BAIAP2: variants seen among roughly 807,000 people sequenced by gnomAD.
The protein encoded by BAIAP2 is BAR/IMD domain containing adaptor protein 2, also known as BAR/IMD domain-containing adapter protein 2.
Under a neutral mutation model 63.0 loss-of-function variants are expected in BAIAP2, and 18 were observed. That is an observed-to-expected ratio of 0.29 (90% confidence interval 0.20 to 0.42). BAIAP2 has a LOEUF of 0.42. Among genes scored for constraint, BAIAP2 ranks in the 10% least tolerant of loss-of-function variants. BAIAP2 has a pLI of 1.00. For missense variants in BAIAP2, 610 were observed against 734.3 expected, an observed-to-expected ratio of 0.83 and a Z score of 1.96; for synonymous variants, 386 against 307.6, an observed-to-expected ratio of 1.25 and a Z score of -2.67.
At chr17:81,115,559 C>G (rs2060456194) in intron 13 of BAIAP2, among the ~76,000 whole-genome samples, 1 of 152,204 alleles carries the variant, frequency 6.6e-6, no homozygotes, top group South Asian at 2.1e-4. Context: ...GTCTAGGGCA[C>G]ATAGTGGACT....
chr17:81,078,281 G>C (rs1167260714), intron 3 of BAIAP2, among the ~76,000 whole-genome samples: 1 of 131,932 alleles, frequency 7.6e-6, no homozygotes, highest in African/African-American at 2.8e-5. Flanking sequence ...GTGGGTGCAG[G>C]TTCCACCTCG....
chr17:81,101,131 C>T (rs2058432476), intron 7 of BAIAP2, among the ~76,000 whole-genome samples: 1 of 152,114 alleles, frequency 6.6e-6, no homozygotes, highest in South Asian at 2.1e-4. Context: ...GCTAGGCGTC[C>T]CCCAGCACAG....
chr17:81,037,025 C>T (rs1001281938), intron 1 of BAIAP2: 1 of 1,382,204 alleles, frequency 7.2e-7, no homozygotes, highest in African/African-American at 1.4e-5. Context: ...ATAAAACTCT[C>T]CTAACCGGGC....
At chr17:81,108,098 G>GT in intron 12 of BAIAP2, 1 of 315,666 alleles carries the variant, frequency 3.2e-6, no homozygotes, top group Non-Finnish European at 5.9e-6. Flanking sequence ...AGGCGGAGGA[G>GT]TCCCAGGGGC....
chr17:81,107,132 G>T (rs1007880858), intron 12 of BAIAP2: 21 of 561,528 alleles, frequency 3.7e-5, no homozygotes, highest in African/African-American at 3.4e-4. Context: ...GCATGCTGGG[G>T]CTGGGGTCAG....
intron 3 of BAIAP2, among the ~76,000 whole-genome samples, chr17:81,065,892 G>A (rs1401244618): frequency 6.6e-6 from 1 of 152,248 alleles, no homozygotes; most frequent in Non-Finnish European, 1.5e-5. Context: ...TCACCCTGTA[G>A]AGAGTTGTCG....
chr17:81,063,669 G>A (rs2050973276), intron 3 of BAIAP2: 1 of 152,414 alleles, frequency 6.6e-6, no homozygotes, highest in South Asian at 2.1e-4. Flanking sequence ...GTGTGGGTGT[G>A]CCTTCCTGAG....
Position 81,075,430 on chromosome 17 carries a change from G to A in BAIAP2, c.218-9402G>A, listed in dbSNP as rs182697928. 1.5e-3 allele frequency among the ~76,000 whole-genome samples: 235 copies of A among 152,332 alleles called. 6 individuals are homozygous for A. In the South Asian group the frequency reaches 0.034, roughly 22 times the overall value. On this transcript the variant is annotated intron_variant, in intron 3 of 13. Coordinates refer to ENST00000428708, the MANE Select transcript of BAIAP2 (RefSeq NM_001144888.2). ...CGTGTGAAGCGATCGGAAGGAGCTC[G>A]GCCGTCGCCTCAAGTGGGCCGCCTT...
intron 3 of BAIAP2, among the ~76,000 whole-genome samples, chr17:81,061,540 T>G (rs2050557260): frequency 6.6e-6 from 1 of 152,228 alleles, no homozygotes; most frequent in Non-Finnish European, 1.5e-5. Context: ...CTTCTTTTTT[T>G]GTCCAGCTTC....
intron 3 of BAIAP2, among the ~76,000 whole-genome samples, chr17:81,082,598 C>T (rs1345855674): frequency 6.6e-6 from 1 of 152,234 alleles, no homozygotes; most frequent in Non-Finnish European, 1.5e-5. Flanking sequence ...ACACGTGTCA[C>T]AGGAGCCAGG....
intron 6 of BAIAP2, among the ~76,000 whole-genome samples, chr17:81,093,508 A>G (rs1053309909): frequency 6.6e-6 from 1 of 151,598 alleles, no homozygotes; most frequent in African/African-American, 2.4e-5. Context: ...GCCGGTCGTG[A>G]GTGAGGAGGG....
intron 12 of BAIAP2, chr17:81,107,206 G>A (rs917940109): frequency 2.5e-5 from 9 of 356,578 alleles, no homozygotes; most frequent in African/African-American, 1.3e-4. Flanking sequence ...AGGGGGCAGC[G>A]TCTGGGCTGG....
At chr17:81,062,595 C>T (rs892850002) in intron 3 of BAIAP2, among the ~76,000 whole-genome samples, 3 of 152,124 alleles carry the variant, frequency 2.0e-5, no homozygotes, top group African/African-American at 4.8e-5. Context: ...TCAGCTTCTC[C>T]TCCTCCCGGG....
intron 7 of BAIAP2, 114 bp from the exon 8 acceptor site, chr17:81,103,388 G>C: frequency 9.8e-7 from 1 of 1,021,098 alleles, no homozygotes; most frequent in Non-Finnish European, 1.4e-6. Flanking sequence ...GTACCACCTG[G>C]TGAAGAGCAG....
intron 1 of BAIAP2, among the ~76,000 whole-genome samples, chr17:81,052,990 G>A (rs549521773): frequency 2.6e-5 from 4 of 152,128 alleles, no homozygotes; most frequent in Non-Finnish European, 5.9e-5. Context: ...ATGTTATGCC[G>A]GTAGAATTCT....
intron 9 of BAIAP2, 56 bp from the exon 10 acceptor site, chr17:81,104,458 G>A: frequency 3.9e-6 from 6 of 1,525,442 alleles, no homozygotes; most frequent in Non-Finnish European, 5.3e-6. Flanking sequence ...GACTCCCTGG[G>A]CTTTGCTGCC....
In BAIAP2 at chr17:81,085,870, A is replaced by G. The variant is rs999249914; in HGVS notation, c.351+145A>G. 11 of 661,358 alleles carry G rather than the reference A, an allele frequency of 1.7e-5. No individual in the cohort carries two copies. The Admixed American group carries it at 1.9e-4, about 11-fold the overall frequency. 41.0% of individuals were successfully genotyped at this position (661,358 alleles called of 1,614,324 possible). A position where few individuals can be genotyped will look rare whatever the true frequency, so the allele number is the denominator to read the frequency against. ...GGCCCCAGCTCTGACTTTATTGTCC[A>G]TTTGGGACCGAGTGCCCCTGGTGTG... is the stretch of plus-strand genomic sequence containing the variant. On this transcript the variant is annotated intron_variant, in intron 5 of 13. Transcript: ENST00000428708.
In BAIAP2 at chr17:81,115,941, C is replaced by T. The variant is rs1436262316; in HGVS notation, c.*102C>T. The T allele has an allele frequency of 2.6e-6, 4 of 1,548,246 alleles. No individual in the cohort carries two copies. The highest frequency in any genetic ancestry group is 3.5e-6 in the Non-Finnish European group (4 of 1,147,372). The stretch of plus-strand genomic sequence containing the variant: ...CGTTCCTGTGTAGAGAACATCCAGG[C>T]CCCGGCTGCCTGGTCTTGCCCCACT... On this transcript the variant is annotated 3_prime_UTR_variant, in exon 14 of 14. Coordinates refer to ENST00000428708, the MANE Select transcript of BAIAP2 (RefSeq NM_001144888.2).
At chr17:81,111,620 G>T (rs778285311) in intron 13 of BAIAP2, among the ~76,000 whole-genome samples, 1 of 152,260 alleles carries the variant, frequency 6.6e-6, no homozygotes. Flanking sequence ...GGACCACAGG[G>T]CCATTATGGG....
Sources: allele counts gnomAD v4.1 joint callset (sites outside exome capture counted in the v4.1 genomes callset), GRCh38; gene constraint gnomAD v4.1.1; transcripts MANE v1.5; gene names NCBI Gene and HGNC (gene_info 2026-07-23, HGNC 2026-07-21).